The following PCDHGA2 variants were observed in gnomAD, a reference collection of about 807,000 sequenced individuals.
The protein encoded by PCDHGA2 is protocadherin gamma-A2.
In PCDHGA2, 40 loss-of-function variants were observed where a neutral mutation model predicts 59.2. The observed-to-expected ratio is 0.68, with a 90% CI of 0.52 to 0.88. PCDHGA2 has a LOEUF of 0.88. Ranked by LOEUF, PCDHGA2 falls within the 40% of genes least tolerant of loss-of-function variation. The pLI is 0.00. For synonymous variants in PCDHGA2, 560 were observed against 526.0 expected (o/e 1.06, Z -0.89); for missense variants, 1,226 against 1,204.0 (o/e 1.02, Z -0.27).
chr5:141,403,612 G>C (rs1314297922), intron 1 of PCDHGA2: 9 of 1,613,736 alleles, frequency 5.6e-6, no homozygotes, highest in African/African-American at 1.3e-5. Flanking sequence ...GCGGCGAGCC[G>C]CGTCGCTCCA....
At chr5:141,440,551 T>C (rs1220901075) in intron 1 of PCDHGA2, 2 of 152,350 alleles carry the variant, frequency 1.3e-5, no homozygotes, top group East Asian at 1.9e-4. Context: ...GCAGGAATGT[T>C]ATTAAGTTAC....
At chr5:141,399,632 C>A in intron 1 of PCDHGA2, 2 of 1,613,894 alleles carry the variant, frequency 1.2e-6, no homozygotes, top group Non-Finnish European at 1.7e-6. Context: ...TCTTACGTGT[C>A]CATGAGCGCG....
Position 141,485,138 on chromosome 5 carries a change from T to A in PCDHGA2, c.2425-9669T>A, listed in dbSNP as rs374309554. On this transcript the variant is annotated intron_variant, in intron 1 of 3. Coordinates refer to ENST00000394576, the MANE Select transcript of PCDHGA2 (RefSeq NM_018915.4). This position sits in a 1 kb window ranked among gnomAD's most constrained non-coding sequence, Gnocchi z 5.7. ...TTGGGGCGGGTCGGCTTCATCCGCG[T>A]CTCAGGAGCAAGTAGAGAATTAGCG... is the stretch of plus-strand genomic sequence containing the variant. 17 of 1,528,690 alleles carry A rather than the reference T, an allele frequency of 1.1e-5. No individual in the cohort carries two copies. The highest frequency in any genetic ancestry group is 1.3e-5 in the Non-Finnish European group (14 of 1,109,458). 94.7% of individuals were successfully genotyped at this position (1,528,690 alleles called of 1,614,324 possible).
intron 1 of PCDHGA2, among the ~76,000 whole-genome samples, chr5:141,474,061 T>A (rs2099339173): frequency 1.3e-5 from 2 of 152,058 alleles, no homozygotes; most frequent in Admixed American, 6.6e-5. Flanking sequence ...CAGAGCGAGA[T>A]CCTGCCTCAG....
chr5:141,388,861 T>C lies in PCDHGA2; in HGVS notation c.2424+47466T>C, dbSNP rs1487226750. 7 of 1,613,872 alleles carry C rather than the reference T, an allele frequency of 4.3e-6. No homozygotes were observed. The East Asian group carries it at 1.1e-4, about 26-fold the overall frequency. On this transcript the variant is annotated intron_variant, in intron 1 of 3. Transcript: ENST00000394576. ...GAAGCAAGGGACGGTGGAGGAATGATTGCGCAATGCACAGTGGAGGTAGAA... is the reference window on the plus strand; with the variant it reads ...GAAGCAAGGGACGGTGGAGGAATGACTGCGCAATGCACAGTGGAGGTAGAA...
At chr5:141,498,222 T>A (rs1258826914) in intron 2 of PCDHGA2, among the ~76,000 whole-genome samples, 1 of 152,218 alleles carries the variant, frequency 6.6e-6, no homozygotes, top group East Asian at 1.9e-4. Flanking sequence ...GCATTCCAGA[T>A]GGTCAGGCAT....
chr5:141,344,013 A>C (rs750917291), intron 1 of PCDHGA2: 5 of 1,514,700 alleles, frequency 3.3e-6, no homozygotes, highest in East Asian at 2.3e-5. Context: ...AATTCAGAGA[A>C]AGCGATTCAC....
At chr5:141,356,829 C>T in intron 1 of PCDHGA2, 2 of 1,614,168 alleles carry the variant, frequency 1.2e-6, no homozygotes, top group Non-Finnish European at 1.7e-6. Context: ...CTCCACTCAG[C>T]AGCAATGTGT....
intron 1 of PCDHGA2, chr5:141,350,977 T>A: frequency 6.2e-7 from 1 of 1,614,064 alleles, no homozygotes; most frequent in Non-Finnish European, 8.5e-7. Flanking sequence ...CTCCCGTGTT[T>A]AGCCAGGAGG....
chr5:141,420,974 T>C, intron 1 of PCDHGA2: 1 of 460,696 alleles, frequency 2.2e-6, no homozygotes, highest in Non-Finnish European at 3.8e-6. Flanking sequence ...ATAATAAGAA[T>C]GGGCTCTAGG....
At chr5:141,447,238 C>T (rs1028683423) in intron 1 of PCDHGA2, among the ~76,000 whole-genome samples, 1 of 152,148 alleles carries the variant, frequency 6.6e-6, no homozygotes, top group Non-Finnish European at 1.5e-5. Context: ...CTCCCGGGTT[C>T]AAGTGATTCT....
intron 1 of PCDHGA2, chr5:141,394,832 C>G: frequency 1.9e-6 from 3 of 1,613,828 alleles, no homozygotes; most frequent in Non-Finnish European, 2.5e-6. Context: ...AAGTCCTGAC[C>G]GAGTTGGGCA....
chr5:141,407,125 T>C (rs1367266686), intron 1 of PCDHGA2, among the ~76,000 whole-genome samples: 1 of 152,254 alleles, frequency 6.6e-6, no homozygotes, highest in Non-Finnish European at 1.5e-5. Context: ...TTCAGTTGCT[T>C]TATTTTTAAG....
At chr5:141,500,223 T>TATTG (rs1554186512) in intron 2 of PCDHGA2, among the ~76,000 whole-genome samples, 5 of 145,410 alleles carry the variant, frequency 3.4e-5, no homozygotes, top group African/African-American at 5.2e-5. Context: ...TTTATTTATT[T>TATTG]ATTGATACGT....
intron 1 of PCDHGA2, among the ~76,000 whole-genome samples, chr5:141,420,713 G>GT (rs1303648273): frequency 3.3e-5 from 5 of 152,078 alleles, no homozygotes; most frequent in African/African-American, 1.2e-4. Context: ...CAGAAATGTC[G>GT]TTCCTTTCAG....
In PCDHGA2 at chr5:141,376,165, G is replaced by A. The variant is rs181247360; in HGVS notation, c.2424+34770G>A. ...ATTCGGACCTCACTCTGTACCTGGT[G>A]GTGGCGGTGGCCGCGGTCTCCTGCG... On this transcript the variant is annotated intron_variant, in intron 1 of 3. Coordinates refer to ENST00000394576, the MANE Select transcript of PCDHGA2 (RefSeq NM_018915.4). 5.0e-5 allele frequency: 80 copies of A among 1,614,136 alleles called. No individual in the cohort carries two copies. In the East Asian group the frequency reaches 1.2e-3, roughly 25 times the overall value.
chr5:141,346,654 G>GA (rs891922571), intron 1 of PCDHGA2: 14 of 777,668 alleles, frequency 1.8e-5, no homozygotes, highest in Non-Finnish European at 2.6e-5. Context: ...TGGGCTTAGG[G>GA]AAAAAATAAT....
At position 141,494,788 on chromosome 5, in the gene PCDHGA2, C is replaced by T. The variant is rs2099756942; in HGVS notation, c.2425-19C>T. The T allele has an allele frequency of 6.2e-7, 1 of 1,614,116 alleles. No homozygotes were observed. The highest frequency in any genetic ancestry group is 8.5e-7 in the Non-Finnish European group (1 of 1,180,000). On this transcript the variant is annotated intron_variant, in intron 1 of 3. Transcript: ENST00000394576. ...CTTCTCACGGGTACTCAGCCCCTTTCCCTCTGTTTTCTCCACAGCAAGCCC... is the reference window on the plus strand; with the variant it reads ...CTTCTCACGGGTACTCAGCCCCTTTTCCTCTGTTTTCTCCACAGCAAGCCC...
chr5:141,366,646 G>A (rs1219321287), intron 1 of PCDHGA2: 1 of 1,614,248 alleles, frequency 6.2e-7, no homozygotes, highest in Non-Finnish European at 8.5e-7. Flanking sequence ...TCTTTCCCCA[G>A]CCCAACTACG....
Sources: gnomAD v4.1 joint callset for allele counts (sites outside exome capture counted in the v4.1 genomes callset) on GRCh38, gnomAD v4.1.1 for gene constraint, Gnocchi (gnomAD v3.1) non-coding constraint, MANE v1.5 for transcripts, NCBI Gene and HGNC (gene_info 2026-07-23, HGNC 2026-07-21) for gene names.